Variants in ARHGEF10L observed in about 807,000 individuals in gnomAD.
The protein encoded by ARHGEF10L is rho guanine nucleotide exchange factor 10-like protein.
A neutral mutation model predicts 141.2 loss-of-function variants in ARHGEF10L; 69 were observed. The observed-to-expected ratio is 0.49, with a 90% CI of 0.40 to 0.60. The LOEUF is 0.60. Ranked by LOEUF, ARHGEF10L falls within the 20% of genes least tolerant of loss-of-function variation. The pLI is 0.00. For synonymous variants in ARHGEF10L, 711 were observed against 718.5 expected (o/e 0.99, Z 0.17); for missense variants, 1,482 against 1,734.3 (o/e 0.85, Z 2.58).
chr1:17,624,404 G>T lies in ARHGEF10L; in HGVS notation c.1218G>T (p.Val406=). The T allele has an allele frequency of 3.1e-6, 5 of 1,614,120 alleles. No homozygotes were observed. Among genetic ancestry groups the T allele is most frequent in the Non-Finnish European group, 3.4e-6 (4 of 1,179,958 alleles). The change falls in exon 13 of 29, where the codon GTG becomes GTT. Residue 406 remains valine, a synonymous_variant. Transcript: ENST00000361221. ...TGTTTCAGTTTTCCAAGTCCATGGT[G>T]CTAGATGTGTACAGTGACTACGTGA... ...LFVASFSKSM[V]LDVYSDYVNN...
Position 17,675,279 on chromosome 1 carries a change from C to T in ARHGEF10L, c.3009+10684C>T, listed in dbSNP as rs75311114. 2.6e-5 allele frequency among the ~76,000 whole-genome samples: 4 copies of T among 152,350 alleles called. No homozygotes were observed. The East Asian group carries it at 7.7e-4, about 29-fold the overall frequency. ...ACAGCCTATGTGGGAAGCAGGGCAA[C>T]CGCCTTGGCTGAGCCATCCCACCCT... On this transcript the variant is annotated intron_variant, in intron 26 of 28. Coordinates refer to ENST00000361221, the MANE Select transcript of ARHGEF10L (RefSeq NM_018125.4).
At chr1:17,663,625 AAG>A (rs1050559701) in intron 25 of ARHGEF10L, among the ~76,000 whole-genome samples, 4 of 152,066 alleles carry the variant, frequency 2.6e-5, no homozygotes, top group African/African-American at 9.7e-5. Context: ...CTGGAAGAGA[AAG>A]AGATCTTGGT....
upstream of ARHGEF10L, among the ~76,000 whole-genome samples, chr1:17,536,534 T>C (rs1032508588): frequency 6.6e-6 from 1 of 151,992 alleles, no homozygotes; most frequent in Non-Finnish European, 1.5e-5. Context: ...GGCGGGTGCA[T>C]GTCAAGAGGG....
intron 26 of ARHGEF10L, 91 bp from the exon 27 acceptor site, chr1:17,687,482 T>C (rs769332856): frequency 5.6e-6 from 8 of 1,427,626 alleles, no homozygotes; most frequent in African/African-American, 4.3e-5. Context: ...TTTTGAAGAA[T>C]GTGAGAATGG....
chr1:17,520,620 C>A, the ARHGEF10L span, among the ~76,000 whole-genome samples: 1 of 152,312 alleles, frequency 6.6e-6, no homozygotes, highest in Non-Finnish European at 1.5e-5. Flanking sequence ...CTTGGGGACA[C>A]CTTGGGATGG....
intron 8 of ARHGEF10L, 71 bp from the exon 9 acceptor site, chr1:17,616,023 A>G: frequency 7.7e-7 from 1 of 1,294,540 alleles, no homozygotes; most frequent in Non-Finnish European, 1.1e-6. Flanking sequence ...AGGCCTGGGG[A>G]GGCGGGTGGC....
intron 8 of ARHGEF10L, among the ~76,000 whole-genome samples, chr1:17,614,010 A>G (rs762198564): frequency 6.6e-6 from 1 of 152,196 alleles, no homozygotes; most frequent in Non-Finnish European, 1.5e-5. Flanking sequence ...TGTTATCTAC[A>G]TGCCTGACCG....
At chr1:17,528,328 C>T in the ARHGEF10L span, among the ~76,000 whole-genome samples, 1 of 152,206 alleles carries the variant, frequency 6.6e-6, no homozygotes, top group South Asian at 2.1e-4. Context: ...GATCCTCCCA[C>T]TTTAGCCTCC....
intron 3 of ARHGEF10L, among the ~76,000 whole-genome samples, chr1:17,588,195 AG>A (rs1480652685): frequency 3.2e-5 from 4 of 126,682 alleles, no homozygotes; most frequent in African/African-American, 1.2e-4. Flanking sequence ...CAGAGCAGGC[AG>A]GGTGGCTGCC....
chr1:17,582,733 GT>G (rs2078683392), intron 2 of ARHGEF10L, among the ~76,000 whole-genome samples: 1 of 152,130 alleles, frequency 6.6e-6, no homozygotes, highest in South Asian at 2.1e-4. Flanking sequence ...TCTTGGCACC[GT>G]CTCAGTCTCT....
intron 26 of ARHGEF10L, among the ~76,000 whole-genome samples, chr1:17,668,356 G>A (rs920880280): frequency 9.2e-5 from 14 of 152,212 alleles, no homozygotes; most frequent in African/African-American, 2.4e-4. Flanking sequence ...AGCATGGGAC[G>A]GATGGCCAAG....
chr1:17,542,124 ATG>A (rs2100611673), intron 1 of ARHGEF10L, among the ~76,000 whole-genome samples: 1 of 151,738 alleles, frequency 6.6e-6, no homozygotes, highest in South Asian at 2.1e-4. Context: ...GGGTAACAGA[ATG>A]AGATTCTATC....
chr1:17,661,385 G>A (rs1241726255), intron 25 of ARHGEF10L, among the ~76,000 whole-genome samples: 2 of 152,166 alleles, frequency 1.3e-5, no homozygotes, highest in East Asian at 1.9e-4. Context: ...GCCTTTATGA[G>A]TTTTTTGATC....
intron 1 of ARHGEF10L, among the ~76,000 whole-genome samples, chr1:17,543,130 G>A (rs1439087210): frequency 2.0e-5 from 3 of 152,150 alleles, no homozygotes; most frequent in Non-Finnish European, 4.4e-5. Context: ...TTTCATTCAG[G>A]ACCCTGGTCT....
At chr1:17,590,318 A>T (rs1162470213) in intron 4 of ARHGEF10L, among the ~76,000 whole-genome samples, 1 of 151,990 alleles carries the variant, frequency 6.6e-6, no homozygotes, top group Non-Finnish European at 1.5e-5. Flanking sequence ...AGCTCTTGGG[A>T]GAGTGGCGTC....
chr1:17,628,017 G>A (rs1191673261), intron 15 of ARHGEF10L, among the ~76,000 whole-genome samples: 4 of 151,580 alleles, frequency 2.6e-5, no homozygotes, highest in South Asian at 4.2e-4. Context: ...TGGGGTTGCC[G>A]CTTAGGAACA....
intron 26 of ARHGEF10L, among the ~76,000 whole-genome samples, chr1:17,686,711 G>A (rs923358708): frequency 1.3e-5 from 2 of 152,194 alleles, no homozygotes; most frequent in African/African-American, 4.8e-5. Context: ...GGGCAGGAGT[G>A]GGGGCAGCAC....
intron 26 of ARHGEF10L, among the ~76,000 whole-genome samples, chr1:17,669,592 G>A (rs1029812681): frequency 1.3e-5 from 2 of 152,214 alleles, no homozygotes; most frequent in Non-Finnish European, 2.9e-5. Flanking sequence ...CCACCTTGGT[G>A]GGCAGAAGTC....
rs112028913 is a variant in ARHGEF10L, at chr1:17,591,571, G to A, written c.257+3092G>A. ...GATTACAGGTGTGTGCCACCACGCC[G>A]AACTAATTTTTTGTATTTTTAGTAG... On this transcript the variant is annotated intron_variant, in intron 4 of 28. Transcript: ENST00000361221. 5.0e-3 allele frequency among the ~76,000 whole-genome samples: 756 copies of A among 152,114 alleles called. 5 individuals carry two copies. Among genetic ancestry groups the A allele is most frequent in the African/African-American group, 0.017 (696 of 41,514 alleles).
Sources: gnomAD v4.1 joint callset for allele counts (sites outside exome capture counted in the v4.1 genomes callset) on GRCh38, gnomAD v4.1.1 for gene constraint, MANE v1.5 for transcripts, NCBI Gene and HGNC (gene_info 2026-07-23, HGNC 2026-07-21) for gene names.